Variants in ACKR3 observed in about 807,000 individuals in gnomAD.
ACKR3 encodes the protein C-X-C chemokine receptor type 7.
A neutral mutation model predicts 22.4 loss-of-function variants in ACKR3; 6 were observed. The observed-to-expected ratio is 0.27, with a 90% CI of 0.15 to 0.53. The LOEUF (loss-of-function observed/expected upper bound fraction) is 0.53. Among genes scored for constraint, ACKR3 ranks in the 20% least tolerant of loss-of-function variants. The pLI, the probability that ACKR3 is intolerant of heterozygous loss-of-function variation, is 0.96. For missense variants in ACKR3, 396 were observed against 475.2 expected, an observed-to-expected ratio of 0.83 and a Z score of 1.55; for synonymous variants, 209 against 205.2, an observed-to-expected ratio of 1.02 and a Z score of -0.16.
chr2:236,558,780 A>G, the ACKR3 span, among the ~76,000 whole-genome samples: 1 of 152,198 alleles, frequency 6.6e-6, no homozygotes, highest in African/African-American at 2.4e-5. Flanking sequence ...TTATTAATTA[A>G]TTTTGTCTCA....
chr2:236,573,643 C>G (rs2106501975), intron 1 of ACKR3, among the ~76,000 whole-genome samples: 1 of 152,278 alleles, frequency 6.6e-6, no homozygotes, highest in South Asian at 2.1e-4. Flanking sequence ...TCCCGGGGCC[C>G]CAGGCCTGGC....
upstream of ACKR3, among the ~76,000 whole-genome samples, chr2:236,569,362 A>G (rs1230113252): frequency 6.6e-6 from 1 of 152,258 alleles, no homozygotes; most frequent in East Asian, 1.9e-4. Context: ...TTAACAAGGA[A>G]AACCCAGGCT....
intron 1 of ACKR3, among the ~76,000 whole-genome samples, chr2:236,572,198 C>T (rs966555107): frequency 1.8e-4 from 28 of 151,882 alleles, no homozygotes; most frequent in African/African-American, 4.1e-4. Flanking sequence ...ATGCTTTTAT[C>T]GACTAATTTG....
chr2:236,561,014 T>C, the ACKR3 span, among the ~76,000 whole-genome samples: 1 of 152,202 alleles, frequency 6.6e-6, no homozygotes, highest in Non-Finnish European at 1.5e-5. Flanking sequence ...ACAACATGAA[T>C]GAAACTTGAC....
chr2:236,546,623 C>G, the ACKR3 span, among the ~76,000 whole-genome samples: 1 of 152,198 alleles, frequency 6.6e-6, no homozygotes, highest in South Asian at 2.1e-4. This position sits in a 1 kb window ranked among gnomAD's most constrained non-coding sequence, Gnocchi z 4.9. Context: ...GCTTTACTCA[C>G]TACAGGAAGA....
At chr2:236,545,997 A>G in the ACKR3 span, among the ~76,000 whole-genome samples, 135 of 152,352 alleles carry the variant, frequency 8.9e-4, no homozygotes, top group Non-Finnish European at 1.4e-3. The surrounding 1 kb of genome is among the most constrained non-coding windows in gnomAD (Gnocchi z 5.3). Context: ...AGGAGGGGCC[A>G]CGTTTCACCA....
chr2:236,563,290 T>C (rs1364311506), upstream of ACKR3, among the ~76,000 whole-genome samples: 3 of 152,214 alleles, frequency 2.0e-5, no homozygotes, highest in Non-Finnish European at 2.9e-5. Context: ...TCAATATTTA[T>C]GGGCATCCGG....
rs996855906 is a variant in ACKR3, at chr2:236,577,450, C to G, written c.-26-2990C>G. Among the ~76,000 whole-genome samples the G allele has an allele frequency of 8.5e-5, 13 of 152,206 alleles. No homozygotes were observed. Among genetic ancestry groups the G allele is most frequent in the African/African-American group, 3.1e-4 (13 of 41,466 alleles). ...TGAGCCCTTTTCCACCTCTCAGTCC[C>G]ACTCTGGGCTCTGAGAATACTGAAG... On this transcript the variant is annotated intron_variant, in intron 1 of 1. Coordinates refer to ENST00000272928, the MANE Select transcript of ACKR3 (RefSeq NM_020311.3). This position sits in a 1 kb window ranked among gnomAD's most constrained non-coding sequence, Gnocchi z 5.6.
At chr2:236,545,400 G>A in the ACKR3 span, among the ~76,000 whole-genome samples, 1 of 152,176 alleles carries the variant, frequency 6.6e-6, no homozygotes, top group Non-Finnish European at 1.5e-5. The surrounding 1 kb of genome is among the most constrained non-coding windows in gnomAD (Gnocchi z 5.3). Context: ...CCGTCTCAAA[G>A]TCACATCACG....
the ACKR3 span, among the ~76,000 whole-genome samples, chr2:236,537,334 G>A: frequency 2.0e-5 from 3 of 152,240 alleles, no homozygotes; most frequent in Admixed American, 2.0e-4. Flanking sequence ...TGAGCCAGGA[G>A]GAGGCAGAAG....
At chr2:236,560,275 A>G in the ACKR3 span, among the ~76,000 whole-genome samples, 1 of 148,746 alleles carries the variant, frequency 6.7e-6, no homozygotes, top group South Asian at 2.1e-4. Context: ...AACAGTGTGT[A>G]AGGGTCCCAA....
At chr2:236,551,628 T>C in the ACKR3 span, among the ~76,000 whole-genome samples, 38 of 151,914 alleles carry the variant, frequency 2.5e-4, no homozygotes, top group African/African-American at 8.4e-4. Flanking sequence ...CCTTCCCCTT[T>C]CCCCCTCTGG....
chr2:236,541,365 G>A, the ACKR3 span, among the ~76,000 whole-genome samples: 3 of 152,036 alleles, frequency 2.0e-5, no homozygotes, highest in South Asian at 2.1e-4. Flanking sequence ...AACATCCCTC[G>A]TCTGACACAC....
chr2:236,542,975 G>T, the ACKR3 span, among the ~76,000 whole-genome samples: 1 of 89,462 alleles, frequency 1.1e-5, no homozygotes. Flanking sequence ...AAATGTCAAG[G>T]CTACAAAGAA....
chr2:236,567,348 A>G (rs1691206692), upstream of ACKR3, among the ~76,000 whole-genome samples: 4 of 152,198 alleles, frequency 2.6e-5, no homozygotes, highest in South Asian at 8.3e-4. Context: ...AACTTGCACT[A>G]TGCTTTCCTC....
At chr2:236,580,386 C>T in intron 1 of ACKR3, 54 bp from the exon 2 acceptor site, 5 of 1,535,118 alleles carry the variant, frequency 3.3e-6, no homozygotes, top group Non-Finnish European at 4.4e-6. Context: ...TGAGTTTTTC[C>T]TAATGAAGTG....
chr2:236,563,722 C>T (rs973791449), upstream of ACKR3, among the ~76,000 whole-genome samples: 5 of 152,152 alleles, frequency 3.3e-5, no homozygotes, highest in Non-Finnish European at 7.3e-5. Context: ...TTGCTGTTCC[C>T]AGATTCCGGG....
At chr2:236,541,837 C>T in the ACKR3 span, among the ~76,000 whole-genome samples, 2 of 152,118 alleles carry the variant, frequency 1.3e-5, no homozygotes, top group Non-Finnish European at 2.9e-5. Context: ...TGGGAGTTCC[C>T]CTGCACATGC....
At chr2:236,539,769 A>G in the ACKR3 span, among the ~76,000 whole-genome samples, 3 of 152,164 alleles carry the variant, frequency 2.0e-5, no homozygotes, top group Non-Finnish European at 4.4e-5. Flanking sequence ...GGTAATTTAT[A>G]AAGGAAAGAG....
Sources: allele counts gnomAD v4.1 joint callset (sites outside exome capture counted in the v4.1 genomes callset), GRCh38; gene constraint gnomAD v4.1.1; non-coding constraint Gnocchi (gnomAD v3.1); transcripts MANE v1.5; gene names NCBI Gene and HGNC (gene_info 2026-07-23, HGNC 2026-07-21).